EXD3: variants seen among roughly 807,000 people sequenced by gnomAD.
The protein encoded by EXD3 is exonuclease 3'-5' domain containing 3.
Under a neutral mutation model 98.0 loss-of-function variants are expected in EXD3, and 92 were observed. The observed-to-expected ratio is 0.94, with a 90% CI of 0.79 to 1.12. The LOEUF is 1.12. Ranked by LOEUF, EXD3 falls within the 50% of genes most tolerant of loss-of-function variation. The probability of loss-of-function intolerance (pLI) is 0.00; values close to 1 mark genes in which losing one functional copy is unlikely to be tolerated. For missense variants in EXD3, 1,222 were observed against 1,191.6 expected (o/e 1.03, Z -0.38); for synonymous variants, 569 against 526.0 (o/e 1.08, Z -1.12).
At chr9:137,311,473 C>T (rs1831357223) in intron 19 of EXD3, among the ~76,000 whole-genome samples, 1 of 152,234 alleles carries the variant, frequency 6.6e-6, no homozygotes, top group Non-Finnish European at 1.5e-5. Context: ...GGGATGGGCT[C>T]CCCACACCCC....
intron 1 of EXD3, among the ~76,000 whole-genome samples, chr9:137,422,169 T>A (rs1838560476): frequency 2.7e-5 from 4 of 150,220 alleles, no homozygotes; most frequent in African/African-American, 9.8e-5. Context: ...CTGCTTGGCA[T>A]GGGACAGGAC....
intron 8 of EXD3, among the ~76,000 whole-genome samples, chr9:137,355,561 AAGGGAGGATGGAGGAAGGAGG>A (rs1834654743): frequency 3.3e-5 from 2 of 61,282 alleles, no homozygotes; most frequent in African/African-American, 1.3e-4. Flanking sequence ...AGGAAGGAGG[AAGGGAGGATGGAGGAAGGAGG>A]AAGGAGAAAG....
At chr9:137,319,742 C>G (rs78984503) in intron 19 of EXD3, among the ~76,000 whole-genome samples, 3,073 of 152,316 alleles carry the variant, frequency 0.02, 102 homozygotes, top group East Asian at 0.16. Context: ...CATTCTCCCA[C>G]CTGGTGACCT....
chr9:137,395,303 C>T lies in EXD3; in HGVS notation c.55G>A (p.Gly19Ser). The part of the protein sequence containing the change: ...DPAAGERHRM[G>S]RDPLLLLQAL... The stretch of plus-strand genomic sequence containing the variant: ...TCGGCACCATCAGGCTCAGACTCAC[C>T]CATGCGGTGGCGCTCGCCAGCGGCA... Residue 19 changes from glycine to serine, a missense_variant and splice_region_variant, in exon 2 of 22, where the codon GGC becomes AGC. Transcript: ENST00000340951. This position sits in a 1 kb window ranked among gnomAD's most constrained non-coding sequence, Gnocchi z 6.5. 2 of 1,613,348 alleles carry T rather than the reference C, an allele frequency of 1.2e-6. No homozygotes were observed. Among genetic ancestry groups the T allele is most frequent in the Non-Finnish European group, 1.7e-6 (2 of 1,179,706 alleles).
chr9:137,362,972 G>A lies in EXD3; in HGVS notation c.656+3521C>T, dbSNP rs905938700. ...ATTATAGGCATGAGCCACCACACCC[G>A]GCTAATTTTTGTATTTTTAGTAGAG... On this transcript the variant is annotated intron_variant, in intron 7 of 21. Coordinates refer to ENST00000340951, the MANE Select transcript of EXD3 (RefSeq NM_017820.5). Among the ~76,000 whole-genome samples the A allele has an allele frequency of 1.6e-4, 25 of 151,748 alleles. 1 individual carries two copies. The highest frequency in any genetic ancestry group is 3.4e-3 in the Middle Eastern group (1 of 294).
intron 8 of EXD3, among the ~76,000 whole-genome samples, chr9:137,355,435 TGGAGGAAGGGAGGATGGAGGAAGGAGAAA>T (rs1834592578): frequency 2.2e-4 from 1 of 4,532 alleles, no homozygotes; most frequent in African/African-American, 7.4e-4. Flanking sequence ...GGAAGGAGGA[TGGAGGAAGGGAGGATGGAGGAAGGAGAAA>T]GGAGGAAGGA....
At chr9:137,376,594 C>CAGA (rs978923361) in intron 3 of EXD3, among the ~76,000 whole-genome samples, 2 of 152,000 alleles carry the variant, frequency 1.3e-5, no homozygotes, top group Admixed American at 6.6e-5. Context: ...AGATAAGGCA[C>CAGA]AGAGACCCCC....
chr9:137,330,008 C>G (rs1832913162), intron 17 of EXD3, among the ~76,000 whole-genome samples: 1 of 131,010 alleles, frequency 7.6e-6, no homozygotes, highest in South Asian at 2.6e-4. Flanking sequence ...AGGAGCTACA[C>G]AGGACTACAC....
Position 137,349,613 on chromosome 9 carries a change from G to T in EXD3, c.1495-82C>A, listed in dbSNP as rs553059887. The T allele has an allele frequency of 1.4e-6, 2 of 1,393,534 alleles. No individual in the cohort carries two copies. The highest frequency in any genetic ancestry group is 1.5e-5 in the South Asian group (1 of 64,888). The allele number at this position is 1,393,534 out of a possible 1,614,324, so 86.3% of individuals were successfully genotyped here. A position where few individuals can be genotyped will look rare whatever the true frequency, so the allele number is the denominator to read the frequency against. On this transcript the variant is annotated intron_variant, in intron 14 of 21. Coordinates refer to ENST00000340951, the MANE Select transcript of EXD3 (RefSeq NM_017820.5). The surrounding 1 kb of genome is among the most constrained non-coding windows in gnomAD (Gnocchi z 7.4). ...CCGTGCCCACTCACACCAGCCCTGC[G>T]GGGGCTCTGGAGGAGGCCCCGCCCC...
chr9:137,351,472 GC>G lies in EXD3; in HGVS notation c.1229del (p.Gly410AlafsTer106). 4 of 1,600,072 alleles carry G rather than the reference GC, an allele frequency of 2.5e-6. No individual in the cohort carries two copies. Among genetic ancestry groups the G allele is most frequent in the Non-Finnish European group, 3.4e-6 (4 of 1,174,874 alleles). ...CCTGCAGGAGTGACGGCCGAGGCCG[GC>G]CCCCAGCAACAAACACAGGTGTCCA... ...VEWTPVFVAGGRPRPSLLQVA... is the reference protein window; with the variant it reads ...VEWTPVFVAGXRPRPSLLQVA... On this transcript the variant is annotated frameshift_variant, in exon 13 of 22. Coordinates refer to ENST00000340951, the MANE Select transcript of EXD3 (RefSeq NM_017820.5). LOFTEE classifies it high-confidence loss of function.
In EXD3 at chr9:137,307,609, TG is replaced by T. The variant is rs1420541574; in HGVS notation, c.2315del (p.Pro772GlnfsTer50). On this transcript the variant is annotated frameshift_variant and splice_region_variant, in exon 21 of 22. Transcript: ENST00000340951. LOFTEE classifies it low-confidence loss of function (END_TRUNC). ...EATQSQAVQE[P>X]GPAPDAAPEG... ...TTGGTGGGCGGTCCCGGGGCTCACC[TG>T]GCTCCTGCACCGCCTGGCTCTGGGT... The T allele has an allele frequency of 6.2e-7, 1 of 1,610,164 alleles. No individual in the cohort carries two copies. Among genetic ancestry groups the T allele is most frequent in the Non-Finnish European group, 8.5e-7 (1 of 1,179,640 alleles).
rs771749432 is a variant in EXD3, at chr9:137,306,974, G to T, written c.2607C>A (p.Pro869=). The T allele has an allele frequency of 4.4e-6, 7 of 1,592,470 alleles. No individual in the cohort carries two copies. In the South Asian group the frequency reaches 7.9e-5, roughly 18 times the overall value. The change falls in exon 22 of 22, where the codon CCC becomes CCA. Residue 869 remains proline (P), a synonymous_variant. Transcript: ENST00000340951. ...CTCAGAAGGGACTGCTGGCCGGGCT[G>T]GGGGCTGGGCTCGGCTCGCAGGGGC... ...APSPCEPSPA[P]SPASSPF
intron 1 of EXD3, among the ~76,000 whole-genome samples, chr9:137,411,377 C>T (rs1193516162): frequency 6.6e-6 from 1 of 152,064 alleles, no homozygotes; most frequent in Non-Finnish European, 1.5e-5. Flanking sequence ...TGGGGGGCAG[C>T]CCTGCTCCTC....
intron 3 of EXD3, among the ~76,000 whole-genome samples, chr9:137,380,820 G>A (rs1199064493): frequency 6.7e-6 from 1 of 149,450 alleles, no homozygotes; most frequent in African/African-American, 2.5e-5. Context: ...CCGAGGGGCT[G>A]TTAGGATAGG....
chr9:137,367,604 A>G, intron 6 of EXD3: 1 of 289,878 alleles, frequency 3.4e-6, no homozygotes, highest in Non-Finnish European at 6.5e-6. Flanking sequence ...GCAGCAGAGG[A>G]GGGTCCCAGA....
At chr9:137,362,249 T>C (rs1835027620) in intron 7 of EXD3, among the ~76,000 whole-genome samples, 1 of 152,166 alleles carries the variant, frequency 6.6e-6, no homozygotes, top group East Asian at 1.9e-4. Context: ...TGGACATGGA[T>C]GCAAACATCC....
In EXD3 at chr9:137,393,087, G is replaced by A; in HGVS notation, c.55+2216C>T. On this transcript the variant is annotated intron_variant, in intron 2 of 21. Coordinates refer to ENST00000340951, the MANE Select transcript of EXD3 (RefSeq NM_017820.5). The surrounding 1 kb of genome is among the most constrained non-coding windows in gnomAD (Gnocchi z 4.6). ...CCAGGGGGCACCGAGGCTGTTCTCG[G>A]TGGGGGTGCCGTGTCTGTTCCAGGG... 1.5e-6 allele frequency: 1 copy of A among 687,882 alleles called. No individual in the cohort carries two copies. The highest frequency in any genetic ancestry group is 2.6e-6 in the Non-Finnish European group (1 of 379,196). 42.6% of individuals were successfully genotyped at this position (687,882 alleles called of 1,614,324 possible).
Position 137,353,745 on chromosome 9 carries a change from C to T in EXD3, c.870+594G>A, listed in dbSNP as rs115042613. ...CTGGAGTCCATGGGTCCAGGATGGC[C>T]TTGAGTGTCAGGCGGGAAGGGAGGG... On this transcript the variant is annotated intron_variant, in intron 10 of 21. Coordinates refer to ENST00000340951, the MANE Select transcript of EXD3 (RefSeq NM_017820.5). 1,921 of 985,706 alleles carry T rather than the reference C, an allele frequency of 1.9e-3. 21 individuals carry two copies. The African/African-American group carries it at 0.025, about 13-fold the overall frequency. The allele number at this position is 985,706 out of a possible 1,614,324, so 61.1% of individuals were successfully genotyped here. A position where few individuals can be genotyped will look rare whatever the true frequency, so the allele number is the denominator to read the frequency against.
Position 137,366,294 on chromosome 9 carries a change from G to A in EXD3, c.656+199C>T, listed in dbSNP as rs117526479. On this transcript the variant is annotated intron_variant, in intron 7 of 21. Coordinates refer to ENST00000340951, the MANE Select transcript of EXD3 (RefSeq NM_017820.5). Reference sequence around the variant, plus strand: ...AACTCTTTTCACTCGGGAGAAGAGGGCTGTGCTCCTGCCAGCCCCAGCCGC... The same window carrying A: ...AACTCTTTTCACTCGGGAGAAGAGGACTGTGCTCCTGCCAGCCCCAGCCGC... The A allele has an allele frequency of 3.9e-3, 2,891 of 748,952 alleles. 11 individuals are homozygous for A. The highest frequency in any genetic ancestry group is 8.5e-3 in the Middle Eastern group (38 of 4,458). The allele number at this position is 748,952 out of a possible 1,614,324, so 46.4% of individuals were successfully genotyped here.
Sources: gnomAD v4.1 joint callset for allele counts (sites outside exome capture counted in the v4.1 genomes callset) on GRCh38, gnomAD v4.1.1 for gene constraint, Gnocchi (gnomAD v3.1) non-coding constraint, MANE v1.5 for transcripts, NCBI Gene and HGNC (gene_info 2026-07-23, HGNC 2026-07-21) for gene names.